Variants in ZNF280C observed in about 807,000 individuals in gnomAD.
ZNF280C encodes the protein suppressor of hairy wing homolog 3.
Under a neutral mutation model 53.6 loss-of-function variants are expected in ZNF280C, and 14 were observed. That is an observed-to-expected ratio of 0.26 (90% CI 0.17 to 0.41). The LOEUF (loss-of-function observed/expected upper bound fraction) is 0.41, where lower values mean the gene tolerates loss of function less well. Ranked by LOEUF, ZNF280C falls within the 10% of genes least tolerant of loss-of-function variation. ZNF280C has a pLI of 1.00. For missense variants in ZNF280C, 416 were observed against 547.1 expected (o/e 0.76, Z 2.39); for synonymous variants, 203 against 181.1 (o/e 1.12, Z -0.97).
rs1321744962 is a variant in ZNF280C at position 130,243,896 on chromosome X, T to C, written c.179-31A>G. The C allele has an allele frequency of 4.2e-6, 4 of 949,238 alleles. No homozygotes were observed. In the Admixed American group the frequency reaches 1.5e-4, roughly 35 times the overall value. The allele number at this position is 949,238 out of a possible 1,213,427, so 78.2% of individuals were successfully genotyped here. ...AAATTATATTTATTTTAAAATTTGT[T>C]ATGTGAATGAAATATATACTAATAG... On this transcript the variant is annotated intron_variant, in intron 3 of 18. Coordinates refer to ENST00000370978, the MANE Select transcript of ZNF280C (RefSeq NM_017666.5).
At chrX:130,215,007 T>C (rs977601903) in intron 15 of ZNF280C, among the ~76,000 whole-genome samples, 186 bp downstream of exon 15, 4 of 112,237 alleles carry the variant, frequency 3.6e-5, no homozygotes, top group Admixed American at 1.9e-4. Context: ...CTCAGAGTTT[T>C]TGTCCCAGTA....
rs746879743 is a variant in ZNF280C at position 130,242,150 on chromosome X, G to C, written c.381+1413C>G. Among the ~76,000 whole-genome samples the C allele has an allele frequency of 7.0e-4, 77 of 110,424 alleles. No individual in the cohort carries two copies. The South Asian group carries it at 8.3e-3, about 12-fold the overall frequency. On this transcript the variant is annotated intron_variant, in intron 5 of 18. Transcript: ENST00000370978. ...ACCAGCTACTCGGGAGGCTGAGGTA[G>C]GAGAATCTCTTGAACTTGGGAGGCA...
intron 2 of ZNF280C, among the ~76,000 whole-genome samples, chrX:130,256,571 T>TG (rs1486322531): frequency 2.0e-5 from 2 of 98,221 alleles, no homozygotes; most frequent in African/African-American, 7.7e-5. Flanking sequence ...TCTGGGCGAC[T>TG]GGGAGACTCC....
chrX:130,262,832 C>G (rs1477655366), intron 1 of ZNF280C, among the ~76,000 whole-genome samples: 1 of 112,260 alleles, frequency 8.9e-6, no homozygotes, highest in African/African-American at 3.2e-5. Flanking sequence ...TTTTTGAAGA[C>G]TGCCTGTATA....
intron 1 of ZNF280C, among the ~76,000 whole-genome samples, chrX:130,267,797 A>G (rs1216706706): frequency 2.7e-5 from 3 of 112,038 alleles, no homozygotes; most frequent in African/African-American, 9.8e-5. Context: ...CTAGGTTTCT[A>G]TTTTATGTTT....
chrX:130,217,555 G>A (rs1442184189), intron 13 of ZNF280C, among the ~76,000 whole-genome samples: 1 of 111,899 alleles, frequency 8.9e-6, no homozygotes, highest in Non-Finnish European at 1.9e-5. Flanking sequence ...AAAAACCACT[G>A]AACTGTGTAC....
chrX:130,226,852 T>A lies in ZNF280C; in HGVS notation c.1302A>T (p.Ala434=), dbSNP rs1348849623. The change falls in exon 12 of 19, where the codon GCA becomes GCT. Residue 434 remains alanine, a synonymous_variant. Transcript: ENST00000370978. The part of the protein sequence containing the change: ...TFSDVEAHFR[A]AHENTKNLLC... ...GCAAGTTCTTAGTGTTTTCATGGGC[T>A]GCTCTAAAATGAGCTTCTACATCAG... The A allele has an allele frequency of 1.7e-6, 2 of 1,207,550 alleles. No individual in the cohort carries two copies. Among genetic ancestry groups the A allele is most frequent in the Non-Finnish European group, 2.2e-6 (2 of 893,825 alleles).
intron 2 of ZNF280C, among the ~76,000 whole-genome samples, chrX:130,259,615 G>A (rs756343169): frequency 2.7e-5 from 3 of 112,291 alleles, no homozygotes; most frequent in Non-Finnish European, 5.6e-5. Context: ...GTTATCGCTG[G>A]GGATGAGAAG....
chrX:130,207,532 T>C (rs577825710), intron 16 of ZNF280C, among the ~76,000 whole-genome samples: 204 of 110,829 alleles, frequency 1.8e-3, no homozygotes, highest in Non-Finnish European at 3.1e-3. Context: ...CTAATTTTTT[T>C]TGCATTTTTA....
Position 130,237,767 on chromosome X carries a change from A to C in ZNF280C, c.494-1128T>G, listed in dbSNP as rs1428860315. ...AACAGAAATGATTTTTTCCATCCTC[A>C]AAGCACATAATTACTGCCAGCTATA... is the stretch of plus-strand genomic sequence containing the variant. On this transcript the variant is annotated intron_variant, in intron 6 of 18. Coordinates refer to ENST00000370978, the MANE Select transcript of ZNF280C (RefSeq NM_017666.5). 5.4e-5 allele frequency among the ~76,000 whole-genome samples: 6 copies of C among 111,435 alleles called. No individual in the cohort carries two copies. The East Asian group carries it at 1.7e-3, about 31-fold the overall frequency.
chrX:130,203,158 T>C lies in ZNF280C; in HGVS notation c.*1819A>G, dbSNP rs1042618319. On this transcript the variant is annotated 3_prime_UTR_variant, in exon 19 of 19. Transcript: ENST00000370978. ...CCAATAAGTAGCTACACGAAATCTG[T>C]AGACAATTCTAAGAAATGTCTTGGA... The C allele has an allele frequency of 2.7e-5, 3 of 111,450 alleles. No individual in the cohort carries two copies. The highest frequency in any genetic ancestry group is 6.5e-5 in the African/African-American group (2 of 30,660). 9.2% of individuals were successfully genotyped at this position (111,450 alleles called of 1,213,427 possible). A position where few individuals can be genotyped will look rare whatever the true frequency, so the allele number is the denominator to read the frequency against.
At chrX:130,247,421 C>T (rs2032461889) in intron 2 of ZNF280C, among the ~76,000 whole-genome samples, 1 of 111,974 alleles carries the variant, frequency 8.9e-6, no homozygotes, top group Admixed American at 9.5e-5. Flanking sequence ...TGACTTGATT[C>T]TCGTGCCTCA....
intron 17 of ZNF280C, 65 bp from the exon 18 acceptor site, chrX:130,205,218 CATGGGTCCAT>C (rs2031959349): frequency 1.8e-6 from 2 of 1,102,119 alleles, no homozygotes; most frequent in African/African-American, 3.6e-5. Context: ...CAATTTAATA[CATGGGTCCAT>C]ATGGTGTCCG....
chrX:130,241,001 C>T (rs145171827), intron 5 of ZNF280C, among the ~76,000 whole-genome samples: 127 of 111,846 alleles, frequency 1.1e-3, no homozygotes, highest in African/African-American at 4.1e-3. Flanking sequence ...TATTATCTCA[C>T]ATTTTATAAA....
chrX:130,224,596 A>T (rs1418518738), intron 12 of ZNF280C, among the ~76,000 whole-genome samples: 1 of 111,755 alleles, frequency 8.9e-6, no homozygotes, highest in African/African-American at 3.2e-5. Context: ...GAGGATTACC[A>T]GGCGCCAACT....
chrX:130,214,365 CTCTTA>C (rs1182694161), intron 15 of ZNF280C, among the ~76,000 whole-genome samples: 1 of 111,223 alleles, frequency 9.0e-6, no homozygotes, highest in East Asian at 2.8e-4. Context: ...TTCCTACAGT[CTCTTA>C]TGTTTCATTG....
At chrX:130,205,917 A>G (rs2031968914) in intron 16 of ZNF280C, among the ~76,000 whole-genome samples, 2 of 110,181 alleles carry the variant, frequency 1.8e-5, no homozygotes, top group Non-Finnish European at 3.8e-5. Flanking sequence ...GCATCGCCAT[A>G]TTCAAATTAC....
At chrX:130,220,923 TATTA>T (rs948958757) in intron 12 of ZNF280C, among the ~76,000 whole-genome samples, 50 of 110,740 alleles carry the variant, frequency 4.5e-4, no homozygotes, top group Non-Finnish European at 1.5e-4. Flanking sequence ...CATATGTTCT[TATTA>T]ATTAAAATAT....
At chrX:130,258,508 G>A (rs1363697623) in intron 2 of ZNF280C, among the ~76,000 whole-genome samples, 2 of 111,776 alleles carry the variant, frequency 1.8e-5, no homozygotes, top group Admixed American at 1.9e-4. Context: ...AACATTGTTT[G>A]ATGTTCAGTA....
Sources: allele counts gnomAD v4.1 joint callset (sites outside exome capture counted in the v4.1 genomes callset), GRCh38; gene constraint gnomAD v4.1.1; transcripts MANE v1.5; gene names NCBI Gene and HGNC (gene_info 2026-07-23, HGNC 2026-07-21).